IL19: variants seen among roughly 807,000 people sequenced by gnomAD.
The protein encoded by IL19 is interleukin 19, also known as interleukin-19.
A neutral mutation model predicts 19.5 loss-of-function variants in IL19; 15 were observed. That is an observed-to-expected ratio of 0.77 (90% CI 0.52 to 1.19). IL19 has a LOEUF of 1.19. Among genes scored for constraint, IL19 ranks in the 50% most tolerant of loss-of-function variants. IL19 has a pLI of 0.00. For missense variants in IL19, 199 were observed against 213.1 expected (o/e 0.93, Z 0.41); for synonymous variants, 78 against 78.3 (o/e 1.00, Z 0.02).
At chr1:206,826,843 T>C (rs888590135) in intron 2 of IL19, among the ~76,000 whole-genome samples, 4 of 152,152 alleles carry the variant, frequency 2.6e-5, no homozygotes, top group African/African-American at 9.7e-5. Context: ...GATGCCTGTT[T>C]CTATAGGGAG....
chr1:206,812,906 T>A (rs528494738), intron 2 of IL19, among the ~76,000 whole-genome samples: 1 of 152,360 alleles, frequency 6.6e-6, no homozygotes, highest in African/African-American at 2.4e-5. Flanking sequence ...AGAAAACATA[T>A]TCAGATGGGA....
chr1:206,836,645 C>T lies in IL19; in HGVS notation c.-2-16C>T, dbSNP rs1168489892. 1 of 1,588,658 alleles carries T rather than the reference C, an allele frequency of 6.3e-7. No individual in the cohort carries two copies. Among genetic ancestry groups the T allele is most frequent in the Non-Finnish European group, 8.6e-7 (1 of 1,168,008 alleles). On this transcript the variant is annotated splice_polypyrimidine_tract_variant and intron_variant, in intron 2 of 6. Transcript: ENST00000659997. ...CCACTCTTGGCTGGACAGCTGACTT[C>T]CTCTCCTTTCTGCAGGCATGAAGTT...
At chr1:206,781,269 C>T (rs1675120856) in intron 1 of IL19, among the ~76,000 whole-genome samples, 1 of 151,698 alleles carries the variant, frequency 6.6e-6, no homozygotes. Context: ...CATGGTGAAA[C>T]CCTGTCTCTA....
chr1:206,823,581 A>T (rs1676350445), intron 2 of IL19, among the ~76,000 whole-genome samples: 1 of 151,354 alleles, frequency 6.6e-6, no homozygotes, highest in Admixed American at 6.6e-5. Flanking sequence ...AGACACCAAG[A>T]TTATTCCTGG....
intron 6 of IL19, among the ~76,000 whole-genome samples, chr1:206,841,558 G>A (rs1229205846): frequency 1.3e-5 from 2 of 152,218 alleles, no homozygotes; most frequent in African/African-American, 4.8e-5. Context: ...TGTTTCTCAT[G>A]AGCATCAGTT....
rs144996607 is a variant in IL19, at chr1:206,804,898, T to A, written c.-3+5892T>A. Among the ~76,000 whole-genome samples the A allele has an allele frequency of 4.3e-4, 66 of 152,334 alleles. 1 individual carries two copies. Among genetic ancestry groups the A allele is most frequent in the African/African-American group, 1.5e-3 (62 of 41,570 alleles). ...AACTGCATGGGTGAAATTATCTGAA[T>A]CCCAGAGAAATGCTCTTTAGAAGAA... On this transcript the variant is annotated intron_variant, in intron 2 of 6. Coordinates refer to ENST00000659997, the MANE Select transcript of IL19 (RefSeq NM_153758.5).
At chr1:206,771,500 AT>A (rs796741475) in intron 1 of IL19, 23,545 of 852,164 alleles carry the variant, frequency 0.028, 4 homozygotes, top group Non-Finnish European at 0.03. Flanking sequence ...TCATTTAGAG[AT>A]TTTTTTTTTT....
intron 2 of IL19, chr1:206,833,688 T>C (rs1028647648): frequency 3.0e-6 from 3 of 985,608 alleles, no homozygotes; most frequent in Non-Finnish European, 3.6e-6. Flanking sequence ...TGCCACTGGC[T>C]GATCTTAAAC....
chr1:206,806,507 GT>G (rs1350960905), intron 2 of IL19, among the ~76,000 whole-genome samples: 1 of 152,154 alleles, frequency 6.6e-6, no homozygotes, highest in Non-Finnish European at 1.5e-5. Flanking sequence ...ATGAAACAAA[GT>G]ATTTTAATCT....
chr1:206,797,276 A>G (rs1221875461), intron 1 of IL19, among the ~76,000 whole-genome samples: 3 of 22,718 alleles, frequency 1.3e-4, no homozygotes, highest in African/African-American at 1.9e-4. Context: ...TTTCTTGCTC[A>G]ACTGGTGTAG....
chr1:206,774,641 C>T (rs980806579), intron 1 of IL19, among the ~76,000 whole-genome samples: 8 of 152,176 alleles, frequency 5.3e-5, no homozygotes, highest in African/African-American at 1.9e-4. Context: ...AACCTGCAAC[C>T]CTACGTGGTT....
chr1:206,772,790 G>A (rs995525290), intron 1 of IL19, among the ~76,000 whole-genome samples: 14 of 152,276 alleles, frequency 9.2e-5, no homozygotes, highest in African/African-American at 2.4e-4. Context: ...TGTTCTGTGC[G>A]CAGAGGCCCT....
chr1:206,838,264 C>A (rs1351343761), intron 4 of IL19, among the ~76,000 whole-genome samples: 1 of 152,158 alleles, frequency 6.6e-6, no homozygotes, highest in South Asian at 2.1e-4. Context: ...ATGAGAGATG[C>A]CTTTAAAAGA....
At chr1:206,806,929 G>T (rs535602359) in intron 2 of IL19, among the ~76,000 whole-genome samples, 1 of 152,042 alleles carries the variant, frequency 6.6e-6, no homozygotes, top group Non-Finnish European at 1.5e-5. Context: ...GTATTAGTTC[G>T]TTCTCCCACT....
chr1:206,778,939 G>A (rs550152947), intron 1 of IL19, among the ~76,000 whole-genome samples: 35 of 152,294 alleles, frequency 2.3e-4, no homozygotes, highest in Admixed American at 7.8e-4. Flanking sequence ...TCTGGTTCAA[G>A]CTACTATCTG....
intron 1 of IL19, among the ~76,000 whole-genome samples, chr1:206,784,820 C>T (rs954929185): frequency 2.6e-5 from 4 of 152,274 alleles, no homozygotes; most frequent in African/African-American, 9.6e-5. Context: ...ATTATCTGCA[C>T]CACGCAGTAA....
At chr1:206,781,414 CAAAAAAAAAAAAAAAAAAA>C (rs57060549) in intron 1 of IL19, among the ~76,000 whole-genome samples, 3 of 43,028 alleles carry the variant, frequency 7.0e-5, no homozygotes, top group Non-Finnish European at 1.3e-4. Flanking sequence ...GACTCTGTCT[CAAAAAAAAAAAAAAAAAAA>C]AAAAAGAAAA....
chr1:206,823,876 C>T (rs189300434), intron 2 of IL19, among the ~76,000 whole-genome samples: 162 of 152,314 alleles, frequency 1.1e-3, no homozygotes, highest in Non-Finnish European at 1.9e-3. Context: ...CAGGATGTTC[C>T]TGCCAAGGGA....
intron 1 of IL19, among the ~76,000 whole-genome samples, chr1:206,771,822 A>T (rs998107111): frequency 6.6e-6 from 1 of 152,198 alleles, no homozygotes; most frequent in Admixed American, 6.6e-5. Flanking sequence ...CCCAGGGATT[A>T]AGAAGCTCCT....
Sources: gnomAD v4.1 joint callset for allele counts (sites outside exome capture counted in the v4.1 genomes callset) on GRCh38, gnomAD v4.1.1 for gene constraint, MANE v1.5 for transcripts, NCBI Gene and HGNC (gene_info 2026-07-23, HGNC 2026-07-21) for gene names.